The following MYLK4 variants were observed in gnomAD, a reference collection of about 807,000 sequenced individuals.
The protein encoded by MYLK4 is caMLCK like.
MYLK4 carries 46 observed loss-of-function variants against 48.1 expected under a neutral mutation model. The ratio of observed to expected loss-of-function variants is 0.96; its 90% CI spans 0.75 to 1.22. The LOEUF (loss-of-function observed/expected upper bound fraction) is 1.22. Ranked by LOEUF, MYLK4 falls within the 50% of genes most tolerant of loss-of-function variation. MYLK4 has a pLI of 0.00. For missense variants in MYLK4, 451 were observed against 486.1 expected, an observed-to-expected ratio of 0.93 and a Z score of 0.68; for synonymous variants, 170 against 180.8, an observed-to-expected ratio of 0.94 and a Z score of 0.48.
At chr6:2,754,294 A>G (rs2326000), upstream of MYLK4, among the ~76,000 whole-genome samples, 148,813 of 152,230 alleles carry the variant, frequency 0.98, 72,844 homozygotes, top group East Asian at 1. Context: ...GATGATTTGG[A>G]GACTGGGAAA....
chr6:2,760,364 C>T, the MYLK4 span, among the ~76,000 whole-genome samples: 1 of 152,186 alleles, frequency 6.6e-6, no homozygotes, highest in Non-Finnish European at 1.5e-5. Context: ...AGGCACACCA[C>T]CCTCCCAGCA....
At chr6:2,712,745 T>C (rs999965509) in intron 2 of MYLK4, among the ~76,000 whole-genome samples, 12 of 152,162 alleles carry the variant, frequency 7.9e-5, no homozygotes, top group African/African-American at 2.7e-4. Context: ...CAAGACTTCA[T>C]GGAGAAAAAA....
At chr6:2,678,195 G>T (rs765527288) in intron 10 of MYLK4, 25 bp downstream of exon 10, 5 of 1,610,262 alleles carry the variant, frequency 3.1e-6, no homozygotes, top group Non-Finnish European at 4.2e-6. Flanking sequence ...TACTGCGCCC[G>T]GAGCACAGGA....
chr6:2,766,769 A>T, the MYLK4 span, among the ~76,000 whole-genome samples: 1 of 105,548 alleles, frequency 9.5e-6, no homozygotes, highest in Admixed American at 1.2e-4. Context: ...CCCCCTCCCC[A>T]GACTTTGATT....
At chr6:2,770,371 C>G in the MYLK4 span, 1 of 1,613,918 alleles carries the variant, frequency 6.2e-7, no homozygotes, top group East Asian at 2.2e-5. Context: ...AGTAAGTTGA[C>G]AGTGTGCAGC....
At chr6:2,717,880 A>G (rs868388588) in intron 2 of MYLK4, among the ~76,000 whole-genome samples, 2 of 152,176 alleles carry the variant, frequency 1.3e-5, no homozygotes, top group Admixed American at 6.5e-5. Context: ...TGTGAGAGAT[A>G]TAAGAAATCC....
intron 11 of MYLK4, among the ~76,000 whole-genome samples, 195 bp downstream of exon 11, chr6:2,674,852 C>T (rs1325318043): frequency 6.6e-6 from 1 of 152,134 alleles, no homozygotes; most frequent in African/African-American, 2.4e-5. Context: ...GTTTGGGCAA[C>T]GAGAGTGAAA....
the MYLK4 span, among the ~76,000 whole-genome samples, chr6:2,763,230 G>A: frequency 2.0e-5 from 3 of 152,184 alleles, no homozygotes; most frequent in African/African-American, 7.2e-5. Flanking sequence ...AGACATAAAG[G>A]TTCTCCAAGT....
the MYLK4 span, among the ~76,000 whole-genome samples, chr6:2,762,785 C>T: frequency 6.6e-6 from 1 of 152,198 alleles, no homozygotes; most frequent in East Asian, 1.9e-4. Context: ...GCTCAGAAAT[C>T]AACTGGCAGA....
chr6:2,682,892 C>G (rs933871997), intron 7 of MYLK4, 129 bp downstream of exon 7: 1 of 992,210 alleles, frequency 1.0e-6, no homozygotes, highest in Non-Finnish European at 1.5e-6. Context: ...ATGAGGGTAA[C>G]AATTCAGATG....
At chr6:2,669,539 G>C (rs1409191910) in intron 12 of MYLK4, among the ~76,000 whole-genome samples, 3 of 152,210 alleles carry the variant, frequency 2.0e-5, no homozygotes, top group African/African-American at 7.2e-5. Context: ...ATGGTGGGAA[G>C]GTGGTTTGTG....
At chr6:2,766,713 T>C in the MYLK4 span, among the ~76,000 whole-genome samples, 1 of 152,224 alleles carries the variant, frequency 6.6e-6, no homozygotes, top group Non-Finnish European at 1.5e-5. Flanking sequence ...TTACAAGATG[T>C]GGACTCTTAG....
chr6:2,752,489 T>C (rs952594481), upstream of MYLK4, among the ~76,000 whole-genome samples: 2 of 152,028 alleles, frequency 1.3e-5, no homozygotes, highest in Non-Finnish European at 2.9e-5. Flanking sequence ...AGATTGGGTA[T>C]GGGGTATGAA....
chr6:2,675,990 G>A (rs1392717436), intron 10 of MYLK4, among the ~76,000 whole-genome samples: 3 of 151,704 alleles, frequency 2.0e-5, no homozygotes, highest in African/African-American at 7.3e-5. Context: ...TACTCAGGAG[G>A]CTGAGGAAGG....
In MYLK4 at chr6:2,743,805, C is replaced by T. The variant is rs938064336; in HGVS notation, c.159+5331G>A. On this transcript the variant is annotated intron_variant, in intron 2 of 12. Transcript: ENST00000274643. ...GCCCTGGGCAAAGATTCAGCCAGGG[C>T]ATGCATTCCATTTACTTTGGCAAGC... is the stretch of plus-strand genomic sequence containing the variant. 32 of 396,748 alleles carry T rather than the reference C, an allele frequency of 8.1e-5. No homozygotes were observed. In the East Asian group the frequency reaches 1.1e-3, roughly 13 times the overall value. 24.6% of individuals were successfully genotyped at this position (396,748 alleles called of 1,614,324 possible).
intron 2 of MYLK4, among the ~76,000 whole-genome samples, chr6:2,748,081 C>G (rs540865028): frequency 7.4e-4 from 112 of 152,300 alleles, no homozygotes; most frequent in African/African-American, 2.6e-3. Context: ...GTTAGAAACG[C>G]CCTTCCTACC....
At chr6:2,759,699 A>T in the MYLK4 span, among the ~76,000 whole-genome samples, 1 of 152,174 alleles carries the variant, frequency 6.6e-6, no homozygotes, top group Non-Finnish European at 1.5e-5. Flanking sequence ...ATTATTTTTT[A>T]AAAAATAAAC....
chr6:2,695,279 G>A (rs76103481), intron 2 of MYLK4, among the ~76,000 whole-genome samples: 16,201 of 152,216 alleles, frequency 0.11, 1,008 homozygotes, highest in East Asian at 0.24. Context: ...TGAATGCAAT[G>A]ATATAAGCAT....
chr6:2,760,524 C>T, the MYLK4 span, among the ~76,000 whole-genome samples: 1 of 152,200 alleles, frequency 6.6e-6, no homozygotes, highest in African/African-American at 2.4e-5. Flanking sequence ...GTCCCAAGTT[C>T]CAACCTTAGG....
Sources: gnomAD v4.1 joint callset for allele counts (sites outside exome capture counted in the v4.1 genomes callset) on GRCh38, gnomAD v4.1.1 for gene constraint, MANE v1.5 for transcripts, NCBI Gene and HGNC (gene_info 2026-07-23, HGNC 2026-07-21) for gene names.